Variants in FSTL4 observed in about 807,000 individuals in gnomAD.
FSTL4 encodes follistatin like 4, also known as follistatin-related protein 4.
FSTL4 carries 28 observed loss-of-function variants against 78.2 expected under a neutral mutation model. The ratio of observed to expected loss-of-function variants is 0.36; its 90% CI spans 0.27 to 0.49. The LOEUF (loss-of-function observed/expected upper bound fraction) is 0.49. Among genes scored for constraint, FSTL4 ranks in the 20% least tolerant of loss-of-function variants. The pLI is 0.98. For missense variants in FSTL4, 922 were observed against 1,084.9 expected, an observed-to-expected ratio of 0.85 and a Z score of 2.11; for synonymous variants, 422 against 440.5, an observed-to-expected ratio of 0.96 and a Z score of 0.53.
intron 4 of FSTL4, among the ~76,000 whole-genome samples, chr5:133,396,948 C>T (rs927768002): frequency 3.3e-5 from 5 of 152,176 alleles, no homozygotes; most frequent in African/African-American, 1.2e-4. Flanking sequence ...TGCAACCGCC[C>T]GCAGGCTGAG....
intron 4 of FSTL4, among the ~76,000 whole-genome samples, chr5:133,340,928 A>C (rs916678884): frequency 4.6e-5 from 7 of 152,118 alleles, no homozygotes; most frequent in African/African-American, 1.4e-4. Flanking sequence ...GCCTCCTGAG[A>C]CAGTGCCTGG....
the FSTL4 span, among the ~76,000 whole-genome samples, chr5:133,769,698 T>C: frequency 2.6e-5 from 4 of 152,214 alleles, no homozygotes; most frequent in African/African-American, 9.6e-5. Flanking sequence ...CATAAACTAA[T>C]TCTTTTTAAA....
chr5:133,809,498 C>T, the FSTL4 span, among the ~76,000 whole-genome samples: 17 of 151,852 alleles, frequency 1.1e-4, no homozygotes, highest in Non-Finnish European at 1.6e-4. Flanking sequence ...GCATCCCCTC[C>T]TGGGCCTGCA....
chr5:133,838,254 G>A, the FSTL4 span, among the ~76,000 whole-genome samples: 4,362 of 152,274 alleles, frequency 0.029, 90 homozygotes, highest in Non-Finnish European at 0.044. Context: ...ATAGCTTTCC[G>A]AAGACTTCAA....
chr5:133,757,400 T>G, the FSTL4 span, among the ~76,000 whole-genome samples: 1 of 152,208 alleles, frequency 6.6e-6, no homozygotes, highest in Admixed American at 6.5e-5. Context: ...CCAGCTGTAT[T>G]TCAGTGCTCA....
At chr5:133,744,653 A>G in the FSTL4 span, among the ~76,000 whole-genome samples, 24 of 152,308 alleles carry the variant, frequency 1.6e-4, no homozygotes, top group East Asian at 4.0e-3. Context: ...ACAAAAAGCC[A>G]TATCATCAGC....
At chr5:133,666,753 C>G in the FSTL4 span, among the ~76,000 whole-genome samples, 1 of 152,148 alleles carries the variant, frequency 6.6e-6, no homozygotes, top group Non-Finnish European at 1.5e-5. Context: ...TTTTTTCTCT[C>G]TTATTCAGAA....
At chr5:133,839,851 A>G in the FSTL4 span, among the ~76,000 whole-genome samples, 1 of 152,358 alleles carries the variant, frequency 6.6e-6, no homozygotes, top group East Asian at 1.9e-4. Context: ...AGAAGTTTTT[A>G]AAAGGCTTTT....
the FSTL4 span, among the ~76,000 whole-genome samples, chr5:133,649,468 G>T: frequency 1.3e-5 from 2 of 152,168 alleles, no homozygotes; most frequent in Admixed American, 6.5e-5. Flanking sequence ...TGCCAAAGTG[G>T]CTGTACCATT....
chr5:133,431,058 G>A (rs764998801), intron 3 of FSTL4, among the ~76,000 whole-genome samples: 26 of 152,194 alleles, frequency 1.7e-4, no homozygotes, highest in Admixed American at 1.4e-3. Flanking sequence ...GAGACCTAGA[G>A]GGGTGCATCA....
the FSTL4 span, among the ~76,000 whole-genome samples, chr5:133,745,293 GA>G: frequency 6.6e-6 from 1 of 152,184 alleles, no homozygotes; most frequent in Non-Finnish European, 1.5e-5. Flanking sequence ...GCCTTTATTG[GA>G]AAATGTTTTA....
In FSTL4 at chr5:133,316,632, C is replaced by G. The variant is rs753084443; in HGVS notation, c.430G>C (p.Gly144Arg). 1.9e-6 allele frequency: 3 copies of G among 1,613,068 alleles called. No homozygotes were observed. The highest frequency in any genetic ancestry group is 4.5e-5 in the East Asian group (2 of 44,842). The change falls in exon 5 of 16, where the codon GGC (glycine) becomes CGC (arginine). Residue 144 changes from glycine (G) to arginine (R), a missense_variant. Physicochemically the swap from Gly to Arg is moderately radical, Grantham distance 125. Coordinates refer to ENST00000265342, the MANE Select transcript of FSTL4 (RefSeq NM_015082.2). ...AGGACATTCTTCAAGCGGGCGTAGC[C>G]GGCCATGGTGCACGTGTCACCTGAA... ...FLKGDTCTMAGYARLKNVLLA... is the reference protein window; with the variant it reads ...FLKGDTCTMARYARLKNVLLA...
At chr5:133,239,878 A>C (rs1403458245) in intron 7 of FSTL4, among the ~76,000 whole-genome samples, 1 of 152,218 alleles carries the variant, frequency 6.6e-6, no homozygotes, top group African/African-American at 2.4e-5. Context: ...AAAACGGACC[A>C]ATCAGCTCTC....
At chr5:133,837,260 A>T in the FSTL4 span, among the ~76,000 whole-genome samples, 1 of 151,792 alleles carries the variant, frequency 6.6e-6, no homozygotes. Context: ...CAATTCTCAA[A>T]TTTCTATTTG....
the FSTL4 span, among the ~76,000 whole-genome samples, chr5:133,705,869 GCA>G: frequency 9.9e-4 from 146 of 147,434 alleles, 1 homozygote; most frequent in East Asian, 1.8e-3. Flanking sequence ...ACACACACAC[GCA>G]CACACACACA....
chr5:133,560,439 G>A (rs760296314), intron 3 of FSTL4, among the ~76,000 whole-genome samples: 13 of 151,632 alleles, frequency 8.6e-5, no homozygotes, highest in South Asian at 2.1e-4. Flanking sequence ...GTGTGATCTC[G>A]GCTCACTGCA....
chr5:133,397,895 A>AT (rs1194556481), intron 4 of FSTL4, among the ~76,000 whole-genome samples: 16 of 152,298 alleles, frequency 1.1e-4, no homozygotes, highest in East Asian at 1.9e-4. Context: ...AAAACAAGGT[A>AT]TTTTTTTGTT....
Position 133,220,789 on chromosome 5 carries a change from G to A in FSTL4, c.1417C>T (p.Gln473Ter). 1 of 1,611,456 alleles carries A rather than the reference G, an allele frequency of 6.2e-7. No homozygotes were observed. Among genetic ancestry groups the A allele is most frequent in the Non-Finnish European group, 8.5e-7 (1 of 1,177,602 alleles). The change falls in exon 12 of 16, where the codon CAG becomes TAG. Residue 473 changes from glutamine to a stop codon, truncating the protein, a stop_gained. Transcript: ENST00000265342. LOFTEE classifies it high-confidence loss of function. ...TTTTCCGTGGGTTTGAGGTGCCTCT[G>A]GATCTCACAGTCCACAGGATGGATG... ...IVIHPVDCEI[Q>*]RHLKPTEKIF...
the FSTL4 span, among the ~76,000 whole-genome samples, chr5:133,709,002 A>G: frequency 5.9e-5 from 9 of 152,242 alleles, no homozygotes; most frequent in Non-Finnish European, 1.3e-4. Flanking sequence ...AATATCACCT[A>G]TTATGACTGA....
Sources: allele counts gnomAD v4.1 joint callset (sites outside exome capture counted in the v4.1 genomes callset), GRCh38; gene constraint gnomAD v4.1.1; transcripts MANE v1.5; gene names NCBI Gene and HGNC (gene_info 2026-07-23, HGNC 2026-07-21).